Variants in STAT4 observed in about 807,000 individuals in gnomAD.
STAT4 encodes signal transducer and activator of transcription 4.
STAT4 carries 42 observed loss-of-function variants against 110.5 expected under a neutral mutation model. That is an observed-to-expected ratio of 0.38 (90% CI 0.30 to 0.49). STAT4 has a LOEUF of 0.49. Ranked by LOEUF, STAT4 falls within the 20% of genes least tolerant of loss-of-function variation. STAT4 has a pLI of 0.95. For missense variants in STAT4, 632 were observed against 887.9 expected (o/e 0.71, Z 3.66); for synonymous variants, 284 against 302.2 (o/e 0.94, Z 0.63).
chr2:191,125,115 T>G (rs1425115399), intron 3 of STAT4, among the ~76,000 whole-genome samples: 1 of 152,208 alleles, frequency 6.6e-6, no homozygotes, highest in African/African-American at 2.4e-5. Context: ...ATTTCTAACA[T>G]AAATCTTGAC....
intron 13 of STAT4, among the ~76,000 whole-genome samples, chr2:191,057,047 T>A (rs1317920562): frequency 6.6e-6 from 1 of 152,162 alleles, no homozygotes; most frequent in Non-Finnish European, 1.5e-5. Flanking sequence ...CCTCCCAAAG[T>A]GCTGGGATTA....
rs144421302 is a variant in STAT4 at position 191,039,295 on chromosome 2, G to T, written c.1338C>A (p.Thr446=). ...CLYGLTIDLE[T]SSLPVVMISN... ...AAATCATCACCACAGGCAATGAGCT[G>T]GTCTGGTTTGGGGGGAAAAAAGCAT... Residue 446 remains threonine (T), a splice_region_variant and synonymous_variant, in exon 16 of 24, where the codon ACC becomes ACA. Transcript: ENST00000392320. This position sits in a 1 kb window ranked among gnomAD's most constrained non-coding sequence, Gnocchi z 4.7. The T allele has an allele frequency of 3.8e-3, 6,197 of 1,613,936 alleles. 25 individuals are homozygous for T. Among genetic ancestry groups the T allele is most frequent in the Non-Finnish European group, 4.8e-3 (5,620 of 1,179,824 alleles).
rs758440329 is a variant in STAT4 at position 191,066,848 on chromosome 2, C to T, written c.545-333G>A. ...TATATACCTCCACATTAATTATATA[C>T]TTGGTTATTTGGTAAAAGTAAGGAA... On this transcript the variant is annotated intron_variant, in intron 6 of 23. Transcript: ENST00000392320. This position sits in a 1 kb window ranked among gnomAD's most constrained non-coding sequence, Gnocchi z 4.3. 3.9e-5 allele frequency among the ~76,000 whole-genome samples: 6 copies of T among 152,030 alleles called. No individual in the cohort carries two copies. The highest frequency in any genetic ancestry group is 6.6e-5 in the Admixed American group (1 of 15,256).
intron 4 of STAT4, chr2:191,075,989 A>G (rs537891922): frequency 1.0e-4 from 46 of 442,518 alleles, no homozygotes; most frequent in African/African-American, 8.9e-4. Context: ...AGCTAGGACT[A>G]TAGGCATGTG....
intron 14 of STAT4, among the ~76,000 whole-genome samples, chr2:191,052,422 C>T (rs1028374578): frequency 8.5e-5 from 13 of 152,142 alleles, no homozygotes; most frequent in African/African-American, 3.1e-4. Context: ...GAAATAAAAT[C>T]ATTCTGATAC....
At position 191,029,826 on chromosome 2, in the gene STAT4, C is replaced by T; in HGVS notation, c.*14G>A. On this transcript the variant is annotated 3_prime_UTR_variant, in exon 24 of 24. Coordinates refer to ENST00000392320, the MANE Select transcript of STAT4 (RefSeq NM_003151.4). This position sits in a 1 kb window ranked among gnomAD's most constrained non-coding sequence, Gnocchi z 4.5. ...TCATTTGCTTCCTTTCTTGGTGCGT[C>T]AGAGTTTATCCTGTCATTCAGCAGA... 12 of 1,599,668 alleles carry T rather than the reference C, an allele frequency of 7.5e-6. No homozygotes were observed. The highest frequency in any genetic ancestry group is 1.0e-5 in the Non-Finnish European group (12 of 1,174,908).
chr2:191,039,280 C>T lies in STAT4; in HGVS notation c.1353G>A (p.Val451=), dbSNP rs1476649115. The T allele has an allele frequency of 6.2e-7, 1 of 1,614,144 alleles. No individual in the cohort carries two copies. Among genetic ancestry groups the T allele is most frequent in the South Asian group, 1.1e-5 (1 of 91,082 alleles). ...ACTGACTGACATTGGAAATCATCAC[C>T]ACAGGCAATGAGCTGGTCTGGTTTG... ...TIDLETSSLP[V]VMISNVSQLP... The change falls in exon 16 of 24, where the codon GTG becomes GTA. Residue 451 remains valine (V), a synonymous_variant. Coordinates refer to ENST00000392320, the MANE Select transcript of STAT4 (RefSeq NM_003151.4). The surrounding 1 kb of genome is among the most constrained non-coding windows in gnomAD (Gnocchi z 4.7).
chr2:191,128,262 A>G (rs1698937161), intron 3 of STAT4, among the ~76,000 whole-genome samples: 1 of 152,196 alleles, frequency 6.6e-6, no homozygotes, highest in Admixed American at 6.5e-5. Flanking sequence ...TGATCCCTCA[A>G]TTGAGAACTC....
Position 191,034,016 on chromosome 2 carries a change from A to G in STAT4, c.1621-11T>C. ...ACCAGGTAAATGTTCCTACAGGAAT[A>G]GACAAGCACATTAAGACAATGATTA... On this transcript the variant is annotated splice_polypyrimidine_tract_variant and intron_variant, in intron 18 of 23. Coordinates refer to ENST00000392320, the MANE Select transcript of STAT4 (RefSeq NM_003151.4). 1 of 1,535,966 alleles carries G rather than the reference A, an allele frequency of 6.5e-7. No individual in the cohort carries two copies.
intron 4 of STAT4, among the ~76,000 whole-genome samples, chr2:191,074,558 T>C (rs1023154775): frequency 6.6e-6 from 1 of 152,134 alleles, no homozygotes; most frequent in East Asian, 1.9e-4. Flanking sequence ...TATCTGACAT[T>C]GGAAGAGAAC....
Position 191,033,936 on chromosome 2 carries a change from G to A in STAT4, c.1690C>T (p.His564Tyr). Residue 564 changes from histidine to tyrosine, a missense_variant, in exon 19 of 24, where the codon CAC becomes TAC. This residue lies in a region of STAT4 where 74 missense variants were observed against 154.3 expected (regional missense o/e 0.48). Coordinates refer to ENST00000392320, the MANE Select transcript of STAT4 (RefSeq NM_003151.4). The surrounding 1 kb of genome is among the most constrained non-coding windows in gnomAD (Gnocchi z 6.9). Reference protein sequence around the residue: ...LEAILDLIKKHILPLWIDGYV... With the variant: ...LEAILDLIKKYILPLWIDGYV... ...CCATCAATCCAAAGGGGAAGAATGT[G>A]TTTCTTAATTAGATCCAATATTGCT... 1.2e-6 allele frequency: 2 copies of A among 1,611,266 alleles called. No homozygotes were observed. The highest frequency in any genetic ancestry group is 1.7e-6 in the Non-Finnish European group (2 of 1,179,000).
chr2:191,115,245 C>T (rs1698542203), intron 3 of STAT4, among the ~76,000 whole-genome samples: 1 of 152,130 alleles, frequency 6.6e-6, no homozygotes, highest in South Asian at 2.1e-4. Context: ...GATTCCTGGT[C>T]CTTTGTTCTC....
At chr2:191,111,514 A>G (rs1211920014) in intron 3 of STAT4, among the ~76,000 whole-genome samples, 1 of 152,178 alleles carries the variant, frequency 6.6e-6, no homozygotes, top group Non-Finnish European at 1.5e-5. Flanking sequence ...AAAAATGTGG[A>G]TGAATCTTGA....
chr2:191,120,482 C>T (rs1047475953), intron 3 of STAT4, among the ~76,000 whole-genome samples: 6 of 152,146 alleles, frequency 3.9e-5, no homozygotes, highest in African/African-American at 1.4e-4. Context: ...TGAGCCACTG[C>T]ACTCTAGCAT....
At chr2:191,085,961 TA>T (rs1416228427) in intron 3 of STAT4, among the ~76,000 whole-genome samples, 1 of 152,224 alleles carries the variant, frequency 6.6e-6, no homozygotes, top group Non-Finnish European at 1.5e-5. Flanking sequence ...AACAACTGAG[TA>T]AAATATATTC....
At chr2:191,141,004 A>G (rs372454158) in intron 3 of STAT4, among the ~76,000 whole-genome samples, 16 of 152,214 alleles carry the variant, frequency 1.1e-4, no homozygotes, top group East Asian at 3.9e-4. Context: ...ACCAAATATC[A>G]TATGTTCTCA....
rs1417966451 is a variant in STAT4, at chr2:191,140,463, G to C, written c.273+6150C>G. Among the ~76,000 whole-genome samples the C allele has an allele frequency of 6.6e-6, 1 of 152,110 alleles. No individual in the cohort carries two copies. On this transcript the variant is annotated intron_variant, in intron 3 of 23. Transcript: ENST00000392320. The surrounding 1 kb of genome is among the most constrained non-coding windows in gnomAD (Gnocchi z 4.4). ...CTTGAATACACAATTCTCAAAAGAA[G>C]ATATACAGTCAACAAACATGTAAAA...
At chr2:191,089,739 T>C (rs1248088900) in intron 3 of STAT4, among the ~76,000 whole-genome samples, 1 of 152,186 alleles carries the variant, frequency 6.6e-6, no homozygotes, top group Non-Finnish European at 1.5e-5. Context: ...AAATGAGCTA[T>C]CAAGTCAGGA....
At chr2:191,075,941 G>T (rs1262267870) in intron 4 of STAT4, 3 of 246,890 alleles carry the variant, frequency 1.2e-5, no homozygotes, top group Admixed American at 5.1e-5. Flanking sequence ...ACCTTGAACT[G>T]CTGGGCTCAA....
Sources: allele counts gnomAD v4.1 joint callset (sites outside exome capture counted in the v4.1 genomes callset), GRCh38; gene constraint gnomAD v4.1.1; regional missense constraint gnomAD v4.1.1; non-coding constraint Gnocchi (gnomAD v3.1); transcripts MANE v1.5; gene names NCBI Gene and HGNC (gene_info 2026-07-23, HGNC 2026-07-21).